Variants in PLEKHA5 observed in about 807,000 individuals in gnomAD.
PLEKHA5 encodes the protein pleckstrin homology domain-containing family A member 5.
Under a neutral mutation model 181.9 loss-of-function variants are expected in PLEKHA5, and 55 were observed. That is an observed-to-expected ratio of 0.30 (90% CI 0.24 to 0.38). The LOEUF (loss-of-function observed/expected upper bound fraction) is 0.38. Ranked by LOEUF, PLEKHA5 falls within the 10% of genes least tolerant of loss-of-function variation. The pLI, the probability that PLEKHA5 is intolerant of heterozygous loss-of-function variation, is 1.00. For synonymous variants in PLEKHA5, 535 were observed against 529.4 expected (o/e 1.01, Z -0.15); for missense variants, 1,432 against 1,549.5 (o/e 0.92, Z 1.27).
chr12:19,171,574 G>A (rs1320652037), intron 3 of PLEKHA5, among the ~76,000 whole-genome samples: 1 of 152,100 alleles, frequency 6.6e-6, no homozygotes, highest in Non-Finnish European at 1.5e-5. Context: ...GGCCAGGCTG[G>A]TCTTGAACTA....
rs961800171 is a variant in PLEKHA5, at chr12:19,336,521, G to A, written c.2455G>A (p.Glu819Lys). 1.3e-6 allele frequency: 2 copies of A among 1,587,150 alleles called. No homozygotes were observed. The highest frequency in any genetic ancestry group is 2.7e-5 in the African/African-American group (2 of 74,278). The change falls in exon 21 of 32, where the codon GAA becomes AAA. Residue 819 changes from glutamate to lysine, a missense_variant. Glu to Lys is a moderately conservative substitution (Grantham distance 56, BLOSUM62 1). This residue lies in a region of PLEKHA5 where 1,143 missense variants were observed against 1,168.4 expected (regional missense o/e 0.98). Coordinates refer to ENST00000429027, the MANE Select transcript of PLEKHA5 (RefSeq NM_001256470.2). ...TAACACTTTTTGGTTTTAGGAATTG[G>A]AACGAGCATGGAGAGAATATGATAA... The part of the protein sequence containing the change: ...RELSRATAEL[E>K]RAWREYDKLE...
At chr12:19,369,832 T>G (rs748586504) in intron 31 of PLEKHA5, 34 bp downstream of exon 31, 1 of 1,297,138 alleles carries the variant, frequency 7.7e-7, no homozygotes, top group Non-Finnish European at 1.1e-6. Context: ...GTGCTTTAGT[T>G]TTTTACTTGA....
intron 3 of PLEKHA5, among the ~76,000 whole-genome samples, chr12:19,140,232 C>T (rs1345992802): frequency 6.6e-6 from 1 of 152,188 alleles, no homozygotes; most frequent in Non-Finnish European, 1.5e-5. Context: ...TTAGACTACA[C>T]ATAAATCCTC....
At chr12:19,226,882 C>T (rs1225722620) in intron 3 of PLEKHA5, among the ~76,000 whole-genome samples, 1 of 151,798 alleles carries the variant, frequency 6.6e-6, no homozygotes, top group Non-Finnish European at 1.5e-5. Context: ...AATATTTAGC[C>T]AATTTAGGAA....
rs572353869 is a variant in PLEKHA5, at chr12:19,194,051, C to T, written c.228-59889C>T. Among the ~76,000 whole-genome samples the T allele has an allele frequency of 5.3e-4, 81 of 152,298 alleles. No individual in the cohort carries two copies. The South Asian group carries it at 0.01, about 19-fold the overall frequency. Reference sequence around the variant, plus strand: ...CCCAAACACCTCCCACCAGGCCTCACCTCCAACATTGGGGATTGCATTTCA... The same window carrying T: ...CCCAAACACCTCCCACCAGGCCTCATCTCCAACATTGGGGATTGCATTTCA... On this transcript the variant is annotated intron_variant, in intron 3 of 31. Transcript: ENST00000429027.
intron 10 of PLEKHA5, among the ~76,000 whole-genome samples, chr12:19,273,371 T>G (rs1422855113): frequency 6.6e-6 from 1 of 152,136 alleles, no homozygotes; most frequent in African/African-American, 2.4e-5. Context: ...TTTTTTTAAT[T>G]TTTTTTCCTT....
At chr12:19,365,381 A>AAAT (rs2153275050) in intron 29 of PLEKHA5, among the ~76,000 whole-genome samples, 1 of 152,162 alleles carries the variant, frequency 6.6e-6, no homozygotes, top group South Asian at 2.1e-4. Flanking sequence ...AAAAAAAAAA[A>AAAT]ATCTTATAAC....
At chr12:19,314,969 A>G (rs1300701628) in intron 16 of PLEKHA5, 75 bp downstream of exon 16, 17 of 778,610 alleles carry the variant, frequency 2.2e-5, no homozygotes, top group Admixed American at 4.1e-5. Flanking sequence ...ATTTATTCTC[A>G]GATTTACTCA....
At chr12:19,248,092 G>A (rs369504389) in intron 3 of PLEKHA5, among the ~76,000 whole-genome samples, 14 of 151,948 alleles carry the variant, frequency 9.2e-5, no homozygotes, top group African/African-American at 3.4e-4. Flanking sequence ...GTGTGATGGC[G>A]TGCACCTTTA....
chr12:19,220,487 A>C (rs894059560), intron 3 of PLEKHA5, among the ~76,000 whole-genome samples: 1 of 152,192 alleles, frequency 6.6e-6, no homozygotes, highest in Non-Finnish European at 1.5e-5. Context: ...CATTTTAAAC[A>C]ATACAACTTT....
At position 19,155,878 on chromosome 12, in the gene PLEKHA5, T is replaced by TA. The variant is rs929626245; in HGVS notation, c.227+23430dup. On this transcript the variant is annotated intron_variant, in intron 3 of 31. Coordinates refer to ENST00000429027, the MANE Select transcript of PLEKHA5 (RefSeq NM_001256470.2). ...TAACTTATATCACTGACTCTGAAAA[T>TA]AACTCATCTGTGGTTGAACATCTTT... 2.0e-5 allele frequency among the ~76,000 whole-genome samples: 3 copies of TA among 152,176 alleles called. No individual in the cohort carries two copies. In the South Asian group the frequency reaches 6.2e-4, roughly 32 times the overall value.
At chr12:19,211,791 G>A (rs1463161312) in intron 3 of PLEKHA5, among the ~76,000 whole-genome samples, 1 of 152,134 alleles carries the variant, frequency 6.6e-6, no homozygotes, top group Non-Finnish European at 1.5e-5. Context: ...ACAGAAAAGG[G>A]CTGAAGAAAG....
At chr12:19,188,850 T>C (rs2050426508) in intron 3 of PLEKHA5, among the ~76,000 whole-genome samples, 1 of 152,234 alleles carries the variant, frequency 6.6e-6, no homozygotes, top group Admixed American at 6.5e-5. Context: ...ATATACTTAA[T>C]GGTAAATGGG....
intron 12 of PLEKHA5, among the ~76,000 whole-genome samples, chr12:19,284,293 T>A (rs2076775497): frequency 6.6e-6 from 1 of 152,166 alleles, no homozygotes; most frequent in South Asian, 2.1e-4. Flanking sequence ...GGTCTTGAAC[T>A]CCTGATCTCA....
At chr12:19,344,319 T>C (rs2094161210) in intron 22 of PLEKHA5, among the ~76,000 whole-genome samples, 1 of 152,218 alleles carries the variant, frequency 6.6e-6, no homozygotes, top group Non-Finnish European at 1.5e-5. Context: ...CTTGTGTGTA[T>C]AATTATAAAT....
intron 3 of PLEKHA5, among the ~76,000 whole-genome samples, chr12:19,173,459 CCA>C (rs2046463381): frequency 2.7e-5 from 1 of 36,774 alleles, no homozygotes; most frequent in Admixed American, 3.8e-4. Context: ...AAAGGATTCT[CCA>C]AAAAAAAAAA....
At chr12:19,241,273 TTTG>T (rs2062532921) in intron 3 of PLEKHA5, among the ~76,000 whole-genome samples, 1 of 152,206 alleles carries the variant, frequency 6.6e-6, no homozygotes, top group South Asian at 2.1e-4. Context: ...GGGTAGGGGT[TTTG>T]TTGTGCTGCT....
intron 20 of PLEKHA5, among the ~76,000 whole-genome samples, chr12:19,323,015 G>C (rs2091255913): frequency 1.2e-5 from 1 of 84,840 alleles, no homozygotes; most frequent in Non-Finnish European, 2.2e-5. Flanking sequence ...CACCTGGCTA[G>C]ATTTTTTTTT....
chr12:19,286,601 T>A lies in PLEKHA5; in HGVS notation c.1780-872T>A, dbSNP rs775127405. 1.7e-4 allele frequency among the ~76,000 whole-genome samples: 26 copies of A among 152,142 alleles called. 1 individual carries two copies. The highest frequency in any genetic ancestry group is 3.4e-4 in the Non-Finnish European group (23 of 68,040). On this transcript the variant is annotated intron_variant, in intron 12 of 31. Coordinates refer to ENST00000429027, the MANE Select transcript of PLEKHA5 (RefSeq NM_001256470.2). Reference sequence around the variant, plus strand: ...AAACAATGCCACTCTTGCCACTAAATTTTCTTTTTAAGAATATAAAGGGAT... The same window carrying A: ...AAACAATGCCACTCTTGCCACTAAAATTTCTTTTTAAGAATATAAAGGGAT...
Sources: gnomAD v4.1 joint callset for allele counts (sites outside exome capture counted in the v4.1 genomes callset) on GRCh38, gnomAD v4.1.1 for gene constraint, gnomAD v4.1.1 regional missense constraint, MANE v1.5 for transcripts, NCBI Gene and HGNC (gene_info 2026-07-23, HGNC 2026-07-21) for gene names.